Variants in TNK2 observed in about 807,000 individuals in gnomAD.
TNK2 encodes the protein activated CDC42 kinase 1.
A neutral mutation model predicts 101.8 loss-of-function variants in TNK2; 83 were observed. That is an observed-to-expected ratio of 0.82 (90% confidence interval 0.68 to 0.98). The LOEUF is 0.98. TNK2 is among the 50% of genes least tolerant of loss of function. TNK2 has a pLI of 0.00. For missense variants in TNK2, 1,665 were observed against 1,483.2 expected, an observed-to-expected ratio of 1.12 and a Z score of -2.01; for synonymous variants, 804 against 633.0, an observed-to-expected ratio of 1.27 and a Z score of -4.06.
chr3:195,876,403 A>G (rs1389974373), intron 9 of TNK2: 1 of 456,694 alleles, frequency 2.2e-6, no homozygotes, highest in Non-Finnish European at 4.4e-6. Flanking sequence ...GGGAACTCCA[A>G]ACACAGACCC....
intron 1 of TNK2, among the ~76,000 whole-genome samples, chr3:195,897,558 G>A (rs1294676144): frequency 1.3e-5 from 2 of 152,198 alleles, no homozygotes; most frequent in Non-Finnish European, 2.9e-5. Context: ...CTGGAGTGCA[G>A]TGGTGCGATC....
At position 195,901,510 on chromosome 3, in the gene TNK2, G is replaced by C. The variant is rs74662466; in HGVS notation, c.-19+6975C>G. Among the ~76,000 whole-genome samples, 1,228 of 151,464 alleles carry C rather than the reference G, an allele frequency of 8.1e-3. 15 individuals are homozygous for C. The highest frequency in any genetic ancestry group is 0.029 in the African/African-American group (1,179 of 40,762). ...TTGTTACATCCAGCTGGGGGGCCCA[G>C]GAGGTACAGCTGCTGAGGAGGAAGA... On this transcript the variant is annotated intron_variant, in intron 1 of 15. Transcript: ENST00000672887.
chr3:195,870,163 G>T lies in TNK2; in HGVS notation c.1494C>A (p.Ser498Arg), dbSNP rs773816929. ...GNPMDPPDLL[S>R]VELSTSRPPQ... ...GGGGCCGGGAGGTGCTCAGTTCCAC[G>T]CTCAGGAGGTCGGGGGGGTCCATGG... The change falls in exon 11 of 16, where the codon AGC becomes AGA. Residue 498 changes from serine (S) to arginine (R), a missense_variant. Around this residue, in one of 3 missense-constraint regions of TNK2, gnomAD observed 1,136 missense variants for 894.9 expected, o/e 1.27. Transcript: ENST00000672887. The T allele has an allele frequency of 1.2e-5, 18 of 1,507,892 alleles. No homozygotes were observed. The highest frequency in any genetic ancestry group is 6.5e-5 in the South Asian group (5 of 77,410). 93.4% of individuals were successfully genotyped at this position (1,507,892 alleles called of 1,614,324 possible). A position where few individuals can be genotyped will look rare whatever the true frequency, so the allele number is the denominator to read the frequency against.
At position 195,868,695 on chromosome 3, in the gene TNK2, G is replaced by A. The variant is rs1226008384; in HGVS notation, c.1603C>T (p.Pro535Ser). The change falls in exon 13 of 16, where the codon CCT becomes TCT. Residue 535 changes from proline (P) to serine (S), a missense_variant. Transcript: ENST00000672887. Reference protein sequence around the residue: ...AFFTQKPTYDPVSEDQDPLSS... With the variant: ...AFFTQKPTYDSVSEDQDPLSS... The stretch of plus-strand genomic sequence containing the variant: ...AAGGGGTCTTGGTCCTCGCTCACAG[G>A]GTCATAGGTTGGTTCTGTGATGGAA... 1.9e-6 allele frequency: 3 copies of A among 1,577,498 alleles called. No individual in the cohort carries two copies. The highest frequency in any genetic ancestry group is 1.4e-5 in the African/African-American group (1 of 72,574).
At chr3:195,876,794 C>T (rs1041405508) in intron 9 of TNK2, 6 of 361,604 alleles carry the variant, frequency 1.7e-5, no homozygotes, top group East Asian at 1.5e-4. Flanking sequence ...CAGGAGCAGC[C>T]GCTCCCGGCC....
chr3:195,872,340 T>A lies in TNK2; in HGVS notation c.1387A>T (p.Ile463Phe). 1 of 1,613,332 alleles carries A rather than the reference T, an allele frequency of 6.2e-7. No individual in the cohort carries two copies. The highest frequency in any genetic ancestry group is 8.5e-7 in the Non-Finnish European group (1 of 1,179,924). The change falls in exon 10 of 16, where the codon ATC becomes TTC. Residue 463 changes from isoleucine (I) to phenylalanine (F), a missense_variant. This residue lies in a region of TNK2 where 1,136 missense variants were observed against 894.9 expected (regional missense o/e 1.27). Transcript: ENST00000672887. ...TCACTGTCGCCATGCCCTGTGTGGA[T>A]GAAGCTGTTCTGCAGGGGCTGGCTG... The part of the protein sequence containing the change: ...DISQPLQNSF[I>F]HTGHGDSDPR...
In TNK2 at chr3:195,888,072, A is replaced by G. The variant is rs984628615; in HGVS notation, c.163+354T>C. On this transcript the variant is annotated intron_variant, in intron 2 of 15. Transcript: ENST00000672887. The surrounding 1 kb of genome is among the most constrained non-coding windows in gnomAD (Gnocchi z 5.3). ...CCATCTGAGAGTTAGCGTTCTCCCT[A>G]CAGATCTCTGCACATGGACCCCCCG... 2.6e-5 allele frequency among the ~76,000 whole-genome samples: 4 copies of G among 152,082 alleles called. No individual in the cohort carries two copies. The highest frequency in any genetic ancestry group is 9.7e-5 in the African/African-American group (4 of 41,396).
Position 195,884,821 on chromosome 3 carries a change from T to C in TNK2, c.447A>G (p.Ser149=). Residue 149 remains serine (S), a synonymous_variant, in exon 4 of 16, where the codon TCA becomes TCG. Transcript: ENST00000672887. ...VVRRGEWDAP[S]GKTVSVAVKC... ...GACACAGAGAGCTCACCGTCTTCCC[T>C]GAGGGCGCGTCCCACTCGCCCCTGC... 6.2e-7 allele frequency: 1 copy of C among 1,610,734 alleles called. No homozygotes were observed. The highest frequency in any genetic ancestry group is 2.2e-5 in the East Asian group (1 of 44,786).
rs559728296 is a variant in TNK2, at chr3:195,892,503, AC to A, written c.-18-3898del. On this transcript the variant is annotated intron_variant, in intron 1 of 15. Coordinates refer to ENST00000672887, the MANE Select transcript of TNK2 (RefSeq NM_001382273.1). ...GCTGCCGGCATCTCCACGCAGCGGGACCCCCCCGAGCAGTCACTGGGGATCC... is the reference window on the plus strand; with the variant it reads ...GCTGCCGGCATCTCCACGCAGCGGGACCCCCCGAGCAGTCACTGGGGATCC... The A allele has an allele frequency of 7.8e-6, 12 of 1,533,920 alleles. No individual in the cohort carries two copies. In the East Asian group the frequency reaches 2.4e-4, roughly 31 times the overall value.
rs780396349 is a variant in TNK2, at chr3:195,868,483, C to T, written c.1815G>A (p.Ala605=). 106 of 1,550,200 alleles carry T rather than the reference C, an allele frequency of 6.8e-5. 1 individual carries two copies. Among genetic ancestry groups the T allele is most frequent in the Middle Eastern group, 1.8e-4 (1 of 5,606 alleles). The change falls in exon 13 of 16, where the codon GCG becomes GCA. Residue 605 remains alanine, a synonymous_variant. Coordinates refer to ENST00000672887, the MANE Select transcript of TNK2 (RefSeq NM_001382273.1). ...PALRPCAPSL[A]QLAMDACSLL... ...GGGAGCAGGCGTCCATGGCCAGCTG[C>T]GCCAGGGAGGGCGCGCAGGGCCGTA... is the stretch of plus-strand genomic sequence containing the variant.
chr3:195,879,306 G>C (rs1160773804), intron 6 of TNK2, 131 bp from the exon 7 acceptor site: 1 of 1,423,474 alleles, frequency 7.0e-7, no homozygotes, highest in African/African-American at 1.4e-5. Context: ...GGGTCTCAGG[G>C]GCGCCGTGTG....
In TNK2 at chr3:195,870,272, G is replaced by C. The variant is rs1265340795; in HGVS notation, c.1452-67C>G. 5 of 1,589,626 alleles carry C rather than the reference G, an allele frequency of 3.1e-6. No individual in the cohort carries two copies. In the African/African-American group the frequency reaches 6.8e-5, roughly 21 times the overall value. ...GTGGAGGGGTGGCAGAATCTCATCA[G>C]AGCCCCTTCGTCCTGGAGGAAACCG... On this transcript the variant is annotated intron_variant, in intron 10 of 15. Transcript: ENST00000672887.
chr3:195,871,770 G>A (rs1745483678), intron 10 of TNK2, among the ~76,000 whole-genome samples: 1 of 152,224 alleles, frequency 6.6e-6, no homozygotes, highest in African/African-American at 2.4e-5. Context: ...AGCAGCAAGT[G>A]CTAATTCAGA....
chr3:195,880,003 G>A (rs1279322982), intron 6 of TNK2, among the ~76,000 whole-genome samples: 5 of 152,132 alleles, frequency 3.3e-5, no homozygotes, highest in Non-Finnish European at 5.9e-5. Context: ...CTCGCCCTGG[G>A]TGTAAAGCCA....
chr3:195,868,214 G>T lies in TNK2; in HGVS notation c.2084C>A (p.Pro695His), dbSNP rs747276199. Residue 695 changes from proline (P) to histidine (H), a missense_variant, in exon 13 of 16, where the codon CCC becomes CAC. Transcript: ENST00000672887. The part of the protein sequence containing the change: ...YAFVPEQARP[P>H]PPLEDNLFLP... ...GAACAGGTTGTCCTCCAGGGGAGGG[G>T]GCGGCCGCGCCTGCTCAGGCACAAA... is the stretch of plus-strand genomic sequence containing the variant. The T allele has an allele frequency of 1.9e-6, 3 of 1,607,258 alleles. No homozygotes were observed. The highest frequency in any genetic ancestry group is 2.5e-6 in the Non-Finnish European group (3 of 1,179,002).
chr3:195,876,379 A>G (rs1205353138), intron 9 of TNK2: 1 of 454,700 alleles, frequency 2.2e-6, no homozygotes, highest in Non-Finnish European at 4.4e-6. Flanking sequence ...GGCGAAGAGA[A>G]GGCCAGGCTA....
At chr3:195,868,842 G>C in intron 12 of TNK2, 133 bp from the exon 13 acceptor site, 1 of 1,129,580 alleles carries the variant, frequency 8.9e-7, no homozygotes, top group Non-Finnish European at 1.2e-6. Context: ...CGAGGTCTGA[G>C]GTCAGCCACC....
rs1744033541 is a variant in TNK2, at chr3:195,870,178, G to GA, written c.1478_1479insT (p.Asp495ArgfsTer40). ...TCAGTTCCACGCTCAGGAGGTCGGG[G>GA]GGGTCCATGGGGTTTCCCAGATACA... On this transcript the variant is annotated frameshift_variant, in exon 11 of 16. Coordinates refer to ENST00000672887, the MANE Select transcript of TNK2 (RefSeq NM_001382273.1). LOFTEE classifies it high-confidence loss of function. The GA allele has an allele frequency of 1.3e-6, 2 of 1,544,560 alleles. No homozygotes were observed. Among genetic ancestry groups the GA allele is most frequent in the Non-Finnish European group, 1.8e-6 (2 of 1,141,198 alleles).
intron 2 of TNK2, among the ~76,000 whole-genome samples, chr3:195,887,844 GT>G (rs1560527938): frequency 2.8e-5 from 4 of 141,036 alleles, no homozygotes; most frequent in African/African-American, 1.0e-4. Flanking sequence ...ACGTGTGTGT[GT>G]GTGTGCGTGT....
Sources: gnomAD v4.1 joint callset for allele counts (sites outside exome capture counted in the v4.1 genomes callset) on GRCh38, gnomAD v4.1.1 for gene constraint, gnomAD v4.1.1 regional missense constraint, Gnocchi (gnomAD v3.1) non-coding constraint, MANE v1.5 for transcripts, NCBI Gene and HGNC (gene_info 2026-07-23, HGNC 2026-07-21) for gene names.